SMARCA2: variants seen among roughly 807,000 people sequenced by gnomAD.
The protein encoded by SMARCA2 is SWI/SNF-related matrix-associated actin-dependent regulator of chromatin subfamily A member 2.
SMARCA2 carries 61 observed loss-of-function variants against 199.8 expected under a neutral mutation model. That is an observed-to-expected ratio of 0.31 (90% confidence interval 0.25 to 0.38). The LOEUF (loss-of-function observed/expected upper bound fraction) is 0.38, where lower values mean the gene tolerates loss of function less well. Ranked by LOEUF, SMARCA2 falls within the 10% of genes least tolerant of loss-of-function variation. SMARCA2 has a pLI of 1.00. For synonymous variants in SMARCA2, 935 were observed against 732.0 expected, an observed-to-expected ratio of 1.28 and a Z score of -4.48; for missense variants, 1,344 against 2,012.2, an observed-to-expected ratio of 0.67 and a Z score of 6.35.
At chr9:2,084,652 C>G (rs1821721349) in intron 17 of SMARCA2, among the ~76,000 whole-genome samples, 1 of 152,116 alleles carries the variant, frequency 6.6e-6, no homozygotes, top group African/African-American at 2.4e-5. Context: ...ATGGTCTCCA[C>G]CATATGAACA....
intron 28 of SMARCA2, among the ~76,000 whole-genome samples, chr9:2,163,611 C>T (rs1313837573): frequency 6.6e-6 from 1 of 152,190 alleles, no homozygotes; most frequent in Non-Finnish European, 1.5e-5. Flanking sequence ...AAGTAGAGAG[C>T]ATCACTCTGT....
intron 32 of SMARCA2, among the ~76,000 whole-genome samples, chr9:2,190,639 A>C (rs1252859755): frequency 6.6e-6 from 1 of 152,132 alleles, no homozygotes; most frequent in Admixed American, 6.5e-5. Flanking sequence ...TCACACACAC[A>C]CACATACACA....
intron 24 of SMARCA2, among the ~76,000 whole-genome samples, chr9:2,111,922 T>G (rs1292988774): frequency 6.6e-6 from 1 of 152,184 alleles, no homozygotes; most frequent in Admixed American, 6.5e-5. Flanking sequence ...GGTGAATAAA[T>G]TAAAGCGACT....
intron 3 of SMARCA2, among the ~76,000 whole-genome samples, chr9:2,037,999 T>C (rs1300848812): frequency 1.3e-5 from 2 of 152,210 alleles, no homozygotes; most frequent in Non-Finnish European, 2.9e-5. Context: ...TTGATTTTTC[T>C]TCCCCAGAAA....
Position 2,032,949 on chromosome 9 carries a change from C to T in SMARCA2, c.226-3C>T, listed in dbSNP as rs1258777541. ...TCTAACTAATGTCCTTTAAATGTTT[C>T]AGCCCATCGATGGTATACATGACAA... On this transcript the variant is annotated splice_region_variant and splice_polypyrimidine_tract_variant and intron_variant, in intron 2 of 33. Transcript: ENST00000349721. The T allele has an allele frequency of 9.9e-6, 16 of 1,612,952 alleles. No homozygotes were observed. Among genetic ancestry groups the T allele is most frequent in the Non-Finnish European group, 2.5e-6 (3 of 1,179,332 alleles).
intron 19 of SMARCA2, among the ~76,000 whole-genome samples, chr9:2,091,913 C>T (rs988257500): frequency 1.3e-5 from 2 of 152,226 alleles, no homozygotes; most frequent in African/African-American, 4.8e-5. Flanking sequence ...ATAAAGGCCA[C>T]GGTTTTGTAA....
chr9:2,032,217 T>A (rs1433043228), intron 2 of SMARCA2, among the ~76,000 whole-genome samples: 2 of 152,236 alleles, frequency 1.3e-5, no homozygotes, highest in African/African-American at 4.8e-5. Flanking sequence ...AGGAATAGAC[T>A]TTTCCTTTTT....
rs1007835988 is a variant in SMARCA2, at chr9:2,041,411, GCTTC to G, written c.790+1516_790+1519del. The G allele has an allele frequency of 4.3e-5, 17 of 398,618 alleles. No homozygotes were observed. The Admixed American group carries it at 6.6e-4, about 15-fold the overall frequency. 24.7% of individuals were successfully genotyped at this position (398,618 alleles called of 1,614,324 possible). On this transcript the variant is annotated intron_variant, in intron 4 of 33. Coordinates refer to ENST00000349721, the MANE Select transcript of SMARCA2 (RefSeq NM_003070.5). ...GGGCCTGCTTCCTGATTCATAGATG[GCTTC>G]CTTCTCACTGTGTCCTCACATGGCA...
chr9:2,028,311 C>T (rs1217107503), intron 1 of SMARCA2, among the ~76,000 whole-genome samples: 2 of 151,882 alleles, frequency 1.3e-5, no homozygotes, highest in Admixed American at 6.6e-5. Context: ...TAAGGGTGGC[C>T]GTTTGTTGTG....
intron 29 of SMARCA2, among the ~76,000 whole-genome samples, chr9:2,178,755 A>G (rs1826801990): frequency 6.6e-6 from 1 of 152,092 alleles, no homozygotes; most frequent in South Asian, 2.1e-4. Context: ...TTAGGAAAAA[A>G]ATAAATTACT....
chr9:2,131,719 G>A (rs945709848), intron 27 of SMARCA2, among the ~76,000 whole-genome samples: 4 of 152,104 alleles, frequency 2.6e-5, no homozygotes, highest in African/African-American at 9.7e-5. Flanking sequence ...GGTGGCTCAC[G>A]CCTGTAATCC....
chr9:2,118,060 A>G (rs1359581358), intron 25 of SMARCA2, among the ~76,000 whole-genome samples: 1 of 152,182 alleles, frequency 6.6e-6, no homozygotes. Context: ...GCACTTTACA[A>G]GAGAATCTTT....
At chr9:2,159,877 A>G (rs1247961154) in intron 27 of SMARCA2, 4 of 1,612,066 alleles carry the variant, frequency 2.5e-6, no homozygotes, top group Non-Finnish European at 2.5e-6. Context: ...ACTAACTGTG[A>G]TTTCTGATAG....
At chr9:2,020,133 AG>A (rs1335732199) in intron 1 of SMARCA2, among the ~76,000 whole-genome samples, 2 of 152,178 alleles carry the variant, frequency 1.3e-5, no homozygotes, top group Admixed American at 6.5e-5. Context: ...AAACTATATG[AG>A]TTACATTTCT....
intron 23 of SMARCA2, among the ~76,000 whole-genome samples, chr9:2,108,846 A>G (rs1373704253): frequency 1.3e-5 from 2 of 152,134 alleles, no homozygotes; most frequent in African/African-American, 4.8e-5. Flanking sequence ...TCCTCCTCCA[A>G]AATCTAAACT....
intron 14 of SMARCA2, among the ~76,000 whole-genome samples, chr9:2,078,921 G>C (rs7042274): frequency 0.31 from 47,275 of 151,682 alleles, 9,014 homozygotes; most frequent in African/African-American, 0.54. Context: ...CTCCAGCCTC[G>C]GCAACAGAGT....
intron 26 of SMARCA2, among the ~76,000 whole-genome samples, chr9:2,120,825 G>A (rs2001776): frequency 0.19 from 28,606 of 152,088 alleles, 4,123 homozygotes; most frequent in African/African-American, 0.39. Flanking sequence ...GAGAGGAATG[G>A]TAGTAAGAAA....
intron 27 of SMARCA2, among the ~76,000 whole-genome samples, chr9:2,154,762 A>T (rs1054728983): frequency 2.0e-5 from 3 of 152,246 alleles, no homozygotes; most frequent in Non-Finnish European, 2.9e-5. Context: ...CTGTCTTAAA[A>T]GCATTAAGTT....
chr9:2,035,993 G>C (rs1819313502), intron 3 of SMARCA2, among the ~76,000 whole-genome samples: 1 of 152,148 alleles, frequency 6.6e-6, no homozygotes, highest in African/African-American at 2.4e-5. Flanking sequence ...ATGTGGTATT[G>C]ATTGGAAGGC....
Sources: gnomAD v4.1 joint callset for allele counts (sites outside exome capture counted in the v4.1 genomes callset) on GRCh38, gnomAD v4.1.1 for gene constraint, MANE v1.5 for transcripts, NCBI Gene and HGNC (gene_info 2026-07-23, HGNC 2026-07-21) for gene names.